Variants in PDCD2 observed in about 807,000 individuals in gnomAD.
The protein encoded by PDCD2 is programmed cell death 2, also known as uS5 assembly chaperone PDCD2.
PDCD2 carries 38 observed loss-of-function variants against 38.1 expected under a neutral mutation model. That is an observed-to-expected ratio of 1.00 (90% confidence interval 0.77 to 1.31). The LOEUF (loss-of-function observed/expected upper bound fraction) is 1.31. Ranked by LOEUF, PDCD2 falls within the 50% of genes most tolerant of loss-of-function variation. PDCD2 has a pLI of 0.00. For missense variants in PDCD2, 473 were observed against 435.7 expected, an observed-to-expected ratio of 1.09 and a Z score of -0.76; for synonymous variants, 205 against 168.9, an observed-to-expected ratio of 1.21 and a Z score of -1.66.
chr6:170,580,714 C>CAA (rs201965096), intron 3 of PDCD2, among the ~76,000 whole-genome samples: 3 of 146,706 alleles, frequency 2.0e-5, no homozygotes, highest in Admixed American at 6.8e-5. Context: ...GACTCCGTCT[C>CAA]AAAAAAAAAA....
In PDCD2 at chr6:170,584,585, G is replaced by T; in HGVS notation, c.-4C>A. ...GCCTGGCCCCGGCGGCAGCCATGCG[G>T]GGCGCGGGCTGGCGTGGGGCGCAGC... On this transcript the variant is annotated 5_prime_UTR_variant, in exon 1 of 6. Coordinates refer to ENST00000541970, the MANE Select transcript of PDCD2 (RefSeq NM_002598.4). 1 of 1,264,158 alleles carries T rather than the reference G, an allele frequency of 7.9e-7. No individual in the cohort carries two copies. The highest frequency in any genetic ancestry group is 2.8e-5 in the South Asian group (1 of 35,832). The allele number at this position is 1,264,158 out of a possible 1,614,324, so 78.3% of individuals were successfully genotyped here.
chr6:170,578,881 A>C lies in PDCD2; in HGVS notation c.852T>G (p.Gly284=). ...QEKDIPDCPC[G]AKRILEFQVM... is the part of the protein sequence containing the mutation. ...CCTGGAATTCCAATATTCTCTTGGC[A>C]CCACAGGGGCAATCTGGAATATCCT... Residue 284 remains glycine (G), a synonymous_variant, in exon 5 of 6, where the codon GGT becomes GGG. Coordinates refer to ENST00000541970, the MANE Select transcript of PDCD2 (RefSeq NM_002598.4). 10 of 1,609,292 alleles carry C rather than the reference A, an allele frequency of 6.2e-6. No homozygotes were observed. Among genetic ancestry groups the C allele is most frequent in the Non-Finnish European group, 8.5e-6 (10 of 1,176,220 alleles).
At chr6:170,581,354 A>G (rs1326725554) in intron 3 of PDCD2, 1 of 152,060 alleles carries the variant, frequency 6.6e-6, no homozygotes, top group Non-Finnish European at 1.5e-5. Flanking sequence ...GTATCCTATA[A>G]AGATGATTAC....
In PDCD2 at chr6:170,583,255, C is replaced by T. The variant is rs1779671840; in HGVS notation, c.527-67G>A. 4 of 1,153,692 alleles carry T rather than the reference C, an allele frequency of 3.5e-6. No individual in the cohort carries two copies. The East Asian group carries it at 7.0e-5, about 20-fold the overall frequency. The allele number at this position is 1,153,692 out of a possible 1,614,324, so 71.5% of individuals were successfully genotyped here. A position where few individuals can be genotyped will look rare whatever the true frequency, so the allele number is the denominator to read the frequency against. ...TGAAGACAGTCTAATAATTTGCTGT[C>T]TCTAAAGTACTATATTCCCTATAGT... On this transcript the variant is annotated intron_variant, in intron 2 of 5. Coordinates refer to ENST00000541970, the MANE Select transcript of PDCD2 (RefSeq NM_002598.4).
At chr6:170,580,358 C>T (rs1041490379) in intron 3 of PDCD2, among the ~76,000 whole-genome samples, 4 of 152,160 alleles carry the variant, frequency 2.6e-5, no homozygotes, top group Admixed American at 6.5e-5. Context: ...ACAGGACACC[C>T]AACAAATGTG....
Position 170,576,799 on chromosome 6 carries a change from G to C in PDCD2, c.*760C>G, listed in dbSNP as rs1159263283. The C allele has an allele frequency of 6.6e-6, 1 of 152,242 alleles. No individual in the cohort carries two copies. The highest frequency in any genetic ancestry group is 1.5e-5 in the Non-Finnish European group (1 of 68,080). 9.4% of individuals were successfully genotyped at this position (152,242 alleles called of 1,614,324 possible). A position where few individuals can be genotyped will look rare whatever the true frequency, so the allele number is the denominator to read the frequency against. ...GAAGACCATCGCCTTTTGCCTTTCA[G>C]TGTCTCATCTGTAAGCAGGGCCGCT... On this transcript the variant is annotated 3_prime_UTR_variant, in exon 6 of 6. Coordinates refer to ENST00000541970, the MANE Select transcript of PDCD2 (RefSeq NM_002598.4).
Position 170,576,641 on chromosome 6 carries a change from C to G in PDCD2, c.*918G>C, listed in dbSNP as rs1779458223. On this transcript the variant is annotated 3_prime_UTR_variant, in exon 6 of 6. Transcript: ENST00000541970. ...GAAACATAATAGGCCAAGGGTCAGC[C>G]CTTTGAAAACTGACTTCAGGGCCTT... 6.6e-6 allele frequency: 1 copy of G among 152,260 alleles called. No homozygotes were observed. The allele number at this position is 152,260 out of a possible 1,614,324, so 9.4% of individuals were successfully genotyped here.
chr6:170,583,371 AC>A, intron 2 of PDCD2, 133 bp downstream of exon 2: 1 of 972,806 alleles, frequency 1.0e-6, no homozygotes, highest in South Asian at 1.9e-5. Context: ...TTTTTTTTTT[AC>A]AAAGGTGTTC....
At position 170,577,313 on chromosome 6, in the gene PDCD2, T is replaced by C. The variant is rs1769025556; in HGVS notation, c.*246A>G. 1 of 399,162 alleles carries C rather than the reference T, an allele frequency of 2.5e-6. No homozygotes were observed. Among genetic ancestry groups the C allele is most frequent in the South Asian group, 4.0e-5 (1 of 25,036 alleles). 24.7% of individuals were successfully genotyped at this position (399,162 alleles called of 1,614,324 possible). Reference sequence around the variant, plus strand: ...ACCATGAATACCACCTATAATGGTATGTCTGTTGTCAATATAGGTGTTATA... The same window carrying C: ...ACCATGAATACCACCTATAATGGTACGTCTGTTGTCAATATAGGTGTTATA... On this transcript the variant is annotated 3_prime_UTR_variant, in exon 6 of 6. Coordinates refer to ENST00000541970, the MANE Select transcript of PDCD2 (RefSeq NM_002598.4).
intron 3 of PDCD2, among the ~76,000 whole-genome samples, chr6:170,580,657 G>C (rs1460028030): frequency 6.6e-6 from 1 of 152,142 alleles, no homozygotes; most frequent in Non-Finnish European, 1.5e-5. Context: ...AGAGGCTGCA[G>C]TGAACCGAGA....
At chr6:170,582,908 TA>T in intron 3 of PDCD2, 148 bp downstream of exon 3, 1 of 1,473,296 alleles carries the variant, frequency 6.8e-7, no homozygotes, top group Non-Finnish European at 8.9e-7. Flanking sequence ...CCAGGAAGTA[TA>T]TTTTTACCTG....
At chr6:170,583,211 A>G in intron 2 of PDCD2, 23 bp from the exon 3 acceptor site, 3 of 1,457,564 alleles carry the variant, frequency 2.1e-6, no homozygotes, top group Non-Finnish European at 2.8e-6. Flanking sequence ...GGACAGCACT[A>G]TTAGTAATCA....
At chr6:170,581,299 A>G (rs1779588451) in intron 3 of PDCD2, 1 of 151,992 alleles carries the variant, frequency 6.6e-6, no homozygotes, top group South Asian at 2.1e-4. Flanking sequence ...TCGAAGGCAA[A>G]CTCTTTCCTT....
intron 3 of PDCD2, chr6:170,582,847 CTT>C: frequency 7.4e-7 from 1 of 1,357,782 alleles, no homozygotes; most frequent in Non-Finnish European, 9.4e-7. Flanking sequence ...GATACCCACC[CTT>C]GTCTTTACAG....
At chr6:170,581,843 T>A (rs1208534695) in intron 3 of PDCD2, 7 of 275,372 alleles carry the variant, frequency 2.5e-5, no homozygotes, top group Non-Finnish European at 4.9e-5. Flanking sequence ...TGTTTTGAAG[T>A]CACCTGGAAG....
rs763835114 is a variant in PDCD2 at position 170,583,222 on chromosome 6, T to A, written c.527-34A>T. ...AAAAGGACAGCACTATTAGTAATCA[T>A]TTAGTTTTGAAGACAGTCTAATAAT... On this transcript the variant is annotated intron_variant, in intron 2 of 5. Coordinates refer to ENST00000541970, the MANE Select transcript of PDCD2 (RefSeq NM_002598.4). The A allele has an allele frequency of 4.2e-6, 6 of 1,426,740 alleles. No homozygotes were observed. The African/African-American group carries it at 8.5e-5, about 20-fold the overall frequency. 88.4% of individuals were successfully genotyped at this position (1,426,740 alleles called of 1,614,324 possible). A position where few individuals can be genotyped will look rare whatever the true frequency, so the allele number is the denominator to read the frequency against.
chr6:170,578,925 C>G lies in PDCD2; in HGVS notation c.808G>C (p.Glu270Gln). The G allele has an allele frequency of 6.2e-7, 1 of 1,605,284 alleles. No homozygotes were observed. Among genetic ancestry groups the G allele is most frequent in the Non-Finnish European group, 8.5e-7 (1 of 1,177,442 alleles). ...ATATCCTTTTCTTGAGGAATATTTT[C>G]ACCAGAAATCCAGATGGGGGCAATA... ...RGIAPIWISG[E>Q]NIPQEKDIPD... The change falls in exon 5 of 6, where the codon GAA becomes CAA. Residue 270 changes from glutamate (E) to glutamine (Q), a missense_variant. By Grantham distance (29) the Glu-to-Gln change is conservative. Coordinates refer to ENST00000541970, the MANE Select transcript of PDCD2 (RefSeq NM_002598.4).
rs1202104129 is a variant in PDCD2 at position 170,576,421 on chromosome 6, T to C, written c.*1138A>G. ...TGTGTTAGGGGACAATGTGAGCCAA[T>C]GTAGATTAAGGAAATAAGCCTGAGA... On this transcript the variant is annotated 3_prime_UTR_variant, in exon 6 of 6. Transcript: ENST00000541970. The C allele has an allele frequency of 6.6e-6, 1 of 152,166 alleles. No individual in the cohort carries two copies. Among genetic ancestry groups the C allele is most frequent in the African/African-American group, 2.4e-5 (1 of 41,426 alleles). 9.4% of individuals were successfully genotyped at this position (152,166 alleles called of 1,614,324 possible). A position where few individuals can be genotyped will look rare whatever the true frequency, so the allele number is the denominator to read the frequency against.
At chr6:170,581,779 C>G (rs1433077542) in intron 3 of PDCD2, 2 of 183,686 alleles carry the variant, frequency 1.1e-5, no homozygotes, top group South Asian at 1.9e-4. Flanking sequence ...AATACTAACA[C>G]TGTTACATTC....
Sources: gnomAD v4.1 joint callset for allele counts (sites outside exome capture counted in the v4.1 genomes callset) on GRCh38, gnomAD v4.1.1 for gene constraint, MANE v1.5 for transcripts, NCBI Gene and HGNC (gene_info 2026-07-23, HGNC 2026-07-21) for gene names.